KCNH1: variants seen among roughly 807,000 people sequenced by gnomAD.
KCNH1 encodes the protein voltage-gated delayed rectifier potassium channel KCNH1.
A neutral mutation model predicts 69.2 loss-of-function variants in KCNH1; 27 were observed. The ratio of observed to expected loss-of-function variants is 0.39; its 90% CI spans 0.29 to 0.54. The LOEUF (loss-of-function observed/expected upper bound fraction) is 0.54, where lower values mean the gene tolerates loss of function less well. Ranked by LOEUF, KCNH1 falls within the 20% of genes least tolerant of loss-of-function variation. KCNH1 has a pLI of 0.68. For synonymous variants in KCNH1, 456 were observed against 487.7 expected, an observed-to-expected ratio of 0.93 and a Z score of 0.86; for missense variants, 798 against 1,261.6, an observed-to-expected ratio of 0.63 and a Z score of 5.57.
At chr1:211,075,095 C>T (rs1690709517) in intron 5 of KCNH1, among the ~76,000 whole-genome samples, 1 of 152,138 alleles carries the variant, frequency 6.6e-6, no homozygotes, top group Non-Finnish European at 1.5e-5. Context: ...TAAGAGTGAG[C>T]AAGGGGAGAG....
At chr1:210,949,435 T>A (rs1470338294) in intron 6 of KCNH1, among the ~76,000 whole-genome samples, 1 of 152,222 alleles carries the variant, frequency 6.6e-6, no homozygotes, top group Non-Finnish European at 1.5e-5. Context: ...TCTTCCTGCA[T>A]CCAAAGAGAT....
intron 10 of KCNH1, among the ~76,000 whole-genome samples, chr1:210,702,256 G>A (rs1323025753): frequency 1.3e-5 from 2 of 152,092 alleles, no homozygotes; most frequent in South Asian, 4.1e-4. Context: ...TGCAATCTGA[G>A]GATTCTTGTT....
At chr1:211,017,048 C>A (rs903725733) in intron 6 of KCNH1, among the ~76,000 whole-genome samples, 4 of 151,930 alleles carry the variant, frequency 2.6e-5, no homozygotes, top group African/African-American at 9.7e-5. Flanking sequence ...CAAGCTACCC[C>A]AGAGAATTAG....
intron 9 of KCNH1, among the ~76,000 whole-genome samples, chr1:210,795,451 C>T (rs1684291919): frequency 1.3e-5 from 2 of 152,046 alleles, no homozygotes; most frequent in South Asian, 4.1e-4. Flanking sequence ...CCGACCACCC[C>T]GCCCAGTTTC....
At chr1:210,962,916 G>T (rs1688319970) in intron 6 of KCNH1, among the ~76,000 whole-genome samples, 1 of 150,314 alleles carries the variant, frequency 6.7e-6, no homozygotes, top group African/African-American at 2.5e-5. Flanking sequence ...TACATATGAG[G>T]TAAAGTATCG....
intron 7 of KCNH1, among the ~76,000 whole-genome samples, chr1:210,807,003 T>A (rs1356186084): frequency 4.8e-5 from 2 of 41,994 alleles, no homozygotes; most frequent in African/African-American, 8.5e-5. Context: ...CAAGACTCCA[T>A]CTCAAAAAAA....
intron 7 of KCNH1, among the ~76,000 whole-genome samples, chr1:210,845,828 C>G (rs959475848): frequency 4.5e-4 from 69 of 152,284 alleles, no homozygotes; most frequent in African/African-American, 1.6e-3. Context: ...ATCTAGAAAA[C>G]CCCATCGTCT....
At chr1:210,731,018 A>C (rs1682736494) in intron 10 of KCNH1, among the ~76,000 whole-genome samples, 1 of 152,216 alleles carries the variant, frequency 6.6e-6, no homozygotes, top group Admixed American at 6.5e-5. Flanking sequence ...TCTGTGGTTC[A>C]CAAGACAGCT....
chr1:211,093,838 T>C (rs982865818), intron 3 of KCNH1, among the ~76,000 whole-genome samples: 2 of 152,136 alleles, frequency 1.3e-5, no homozygotes, highest in Non-Finnish European at 2.9e-5. Flanking sequence ...GAGCTGGATA[T>C]GTGTAGCTTG....
chr1:210,714,593 G>C (rs182057647), intron 10 of KCNH1, among the ~76,000 whole-genome samples: 1 of 151,992 alleles, frequency 6.6e-6, no homozygotes, highest in Non-Finnish European at 1.5e-5. Context: ...CATAAATTAC[G>C]GTCTGAATTC....
At chr1:211,099,259 A>G (rs560699184) in intron 3 of KCNH1, among the ~76,000 whole-genome samples, 7 of 152,296 alleles carry the variant, frequency 4.6e-5, no homozygotes. Context: ...AAGGAAACAC[A>G]TCAAAGAGTT....
At chr1:210,945,295 A>G (rs1317432319) in intron 6 of KCNH1, among the ~76,000 whole-genome samples, 1 of 152,194 alleles carries the variant, frequency 6.6e-6, no homozygotes. Context: ...TAACTCTTAC[A>G]CAATGTATAC....
intron 7 of KCNH1, among the ~76,000 whole-genome samples, chr1:210,916,250 A>G (rs958846618): frequency 1.3e-5 from 2 of 152,214 alleles, no homozygotes; most frequent in African/African-American, 4.8e-5. Flanking sequence ...TGTTTGGAGT[A>G]TAAGTTTACA....
chr1:210,986,957 A>G (rs1443551744), intron 6 of KCNH1, among the ~76,000 whole-genome samples: 1 of 152,124 alleles, frequency 6.6e-6, no homozygotes, highest in East Asian at 1.9e-4. Flanking sequence ...ACATAGTCCC[A>G]TGTTTCTTGG....
chr1:210,699,970 C>T (rs1348457754), intron 10 of KCNH1, among the ~76,000 whole-genome samples: 1 of 152,082 alleles, frequency 6.6e-6, no homozygotes, highest in Non-Finnish European at 1.5e-5. Context: ...GTGGCAACTC[C>T]CAGGTATTAA....
intron 6 of KCNH1, among the ~76,000 whole-genome samples, chr1:211,015,460 G>T (rs1689475656): frequency 6.6e-6 from 1 of 152,140 alleles, no homozygotes; most frequent in Admixed American, 6.5e-5. Flanking sequence ...CCATGGTCCT[G>T]TCAGGCTGTG....
At chr1:210,848,507 A>G (rs1192961204) in intron 7 of KCNH1, among the ~76,000 whole-genome samples, 1 of 152,200 alleles carries the variant, frequency 6.6e-6, no homozygotes, top group African/African-American at 2.4e-5. Context: ...GCAGTCCTTT[A>G]TATCACTGAC....
At chr1:210,881,368 C>G (rs1253569866) in intron 7 of KCNH1, among the ~76,000 whole-genome samples, 1 of 152,140 alleles carries the variant, frequency 6.6e-6, no homozygotes, top group Non-Finnish European at 1.5e-5. Flanking sequence ...CTAACTACAT[C>G]AAATGTGGTA....
intron 7 of KCNH1, among the ~76,000 whole-genome samples, chr1:210,835,009 T>C (rs1685251652): frequency 6.6e-6 from 1 of 152,172 alleles, no homozygotes; most frequent in South Asian, 2.1e-4. Context: ...TTGTTGAGCT[T>C]CTGTATGCGA....
Sources: gnomAD v4.1 joint callset for allele counts (sites outside exome capture counted in the v4.1 genomes callset) on GRCh38, gnomAD v4.1.1 for gene constraint, MANE v1.5 for transcripts, NCBI Gene and HGNC (gene_info 2026-07-23, HGNC 2026-07-21) for gene names.